Variants in PHF20 observed in about 807,000 individuals in gnomAD.
The protein encoded by PHF20 is PHD finger protein 20.
Under a neutral mutation model 113.5 loss-of-function variants are expected in PHF20, and 23 were observed. That is an observed-to-expected ratio of 0.20 (90% CI 0.15 to 0.29). The LOEUF (loss-of-function observed/expected upper bound fraction) is 0.29, where lower values mean the gene tolerates loss of function less well. Ranked by LOEUF, PHF20 falls within the 10% of genes least tolerant of loss-of-function variation. The pLI, the probability that PHF20 is intolerant of heterozygous loss-of-function variation, is 1.00. For synonymous variants in PHF20, 434 were observed against 457.3 expected, an observed-to-expected ratio of 0.95 and a Z score of 0.65; for missense variants, 943 against 1,219.6, an observed-to-expected ratio of 0.77 and a Z score of 3.38.
At chr20:35,851,809 G>A (rs2042737831) in intron 4 of PHF20, among the ~76,000 whole-genome samples, 2 of 151,994 alleles carry the variant, frequency 1.3e-5, no homozygotes, top group South Asian at 4.2e-4. Flanking sequence ...CAGCTACTCG[G>A]GAGGCTGAGA....
At chr20:35,803,577 G>A (rs1600753064) in intron 2 of PHF20, among the ~76,000 whole-genome samples, 1 of 151,522 alleles carries the variant, frequency 6.6e-6, no homozygotes, top group African/African-American at 2.4e-5. Context: ...TGCCTGCCTC[G>A]GCCTCCCAAA....
rs192900701 is a variant in PHF20, at chr20:35,913,443, A to G, written c.1660+96A>G. ...TATGGCCTCTGGGCCTGCGCTGAGC[A>G]GAGGAAGGACCAATAGTCTCTTACC... On this transcript the variant is annotated intron_variant, in intron 11 of 17. Transcript: ENST00000374012. The G allele has an allele frequency of 1.2e-5, 10 of 832,428 alleles. No individual in the cohort carries two copies. In the African/African-American group the frequency reaches 1.7e-4, roughly 14 times the overall value. 51.6% of individuals were successfully genotyped at this position (832,428 alleles called of 1,614,324 possible).
intron 14 of PHF20, 47 bp from the exon 15 acceptor site, chr20:35,931,202 G>C: frequency 7.4e-7 from 1 of 1,355,974 alleles, no homozygotes; most frequent in South Asian, 1.2e-5. Flanking sequence ...AAATGGCCTG[G>C]GTTTCCTTCA....
At chr20:35,816,544 G>A (rs1218209556) in intron 2 of PHF20, among the ~76,000 whole-genome samples, 3 of 150,856 alleles carry the variant, frequency 2.0e-5, no homozygotes, top group Non-Finnish European at 4.4e-5. Flanking sequence ...CTGCCTCCGG[G>A]GTTCAAGCGA....
chr20:35,781,387 C>T (rs928324602), intron 1 of PHF20, among the ~76,000 whole-genome samples: 38 of 152,062 alleles, frequency 2.5e-4, no homozygotes, highest in Non-Finnish European at 4.9e-4. Context: ...TCCCAAAGTG[C>T]TGGGATTACA....
rs1216930263 is a variant in PHF20, at chr20:35,804,229, GTTTTTTTT to G, written c.83+2639_83+2646del. Among the ~76,000 whole-genome samples, 430 of 99,572 alleles carry G rather than the reference GTTTTTTTT, an allele frequency of 4.3e-3. 1 individual carries two copies. The highest frequency in any genetic ancestry group is 0.013 in the Middle Eastern group (2 of 154). 65.3% of individuals were successfully genotyped at this position (99,572 alleles called of 152,430 possible). A position where few individuals can be genotyped will look rare whatever the true frequency, so the allele number is the denominator to read the frequency against. ...TGCCCACCTTGCCAAGCTACTGTAT[GTTTTTTTT>G]TTTTTTTTTTTTTTGAGACGTAGTC... On this transcript the variant is annotated intron_variant, in intron 2 of 17. Transcript: ENST00000374012.
chr20:35,915,872 C>A (rs1401364870), intron 12 of PHF20, among the ~76,000 whole-genome samples: 2 of 152,136 alleles, frequency 1.3e-5, no homozygotes, highest in African/African-American at 4.8e-5. Context: ...CAATGTCCCA[C>A]ACCTGTAATC....
At chr20:35,835,189 C>T (rs774797757) in intron 2 of PHF20, among the ~76,000 whole-genome samples, 6 of 152,006 alleles carry the variant, frequency 3.9e-5, no homozygotes, top group Non-Finnish European at 8.8e-5. Flanking sequence ...GCAGGAGAAT[C>T]GCTTAAACCT....
intron 7 of PHF20, among the ~76,000 whole-genome samples, chr20:35,870,104 A>C (rs1027203895): frequency 6.6e-6 from 1 of 151,876 alleles, no homozygotes; most frequent in Non-Finnish European, 1.5e-5. Flanking sequence ...GGAGATTGAG[A>C]CCATCTTGGC....
chr20:35,916,709 C>T (rs141633843), intron 12 of PHF20, among the ~76,000 whole-genome samples: 3 of 152,130 alleles, frequency 2.0e-5, no homozygotes, highest in African/African-American at 2.4e-5. Context: ...CTCAAGTGAT[C>T]GGCCCACCTT....
At chr20:35,848,924 G>A (rs893970697) in intron 4 of PHF20, among the ~76,000 whole-genome samples, 2 of 151,752 alleles carry the variant, frequency 1.3e-5, no homozygotes, top group Non-Finnish European at 2.9e-5. Flanking sequence ...AGGAGGGAGA[G>A]TCTCGAGGCT....
intron 2 of PHF20, among the ~76,000 whole-genome samples, chr20:35,818,812 C>T (rs1304914651): frequency 6.6e-6 from 1 of 152,156 alleles, no homozygotes; most frequent in African/African-American, 2.4e-5. Context: ...GTTGGGATTA[C>T]AGGCATGAGC....
intron 17 of PHF20, among the ~76,000 whole-genome samples, chr20:35,944,137 A>G (rs1167340019): frequency 2.0e-5 from 3 of 152,180 alleles, no homozygotes; most frequent in Non-Finnish European, 2.9e-5. Context: ...GCTGTTCTGC[A>G]TCTTTAAAAG....
intron 2 of PHF20, among the ~76,000 whole-genome samples, chr20:35,836,545 T>C (rs2042443071): frequency 6.6e-6 from 1 of 152,076 alleles, no homozygotes; most frequent in Non-Finnish European, 1.5e-5. Flanking sequence ...TTTAAAAAAG[T>C]TTTTTAAACT....
chr20:35,891,042 A>T (rs975179277), intron 9 of PHF20, among the ~76,000 whole-genome samples: 8 of 152,196 alleles, frequency 5.3e-5, no homozygotes, highest in African/African-American at 1.9e-4. Context: ...CCCATGTTTG[A>T]TGTGACAGTA....
In PHF20 at chr20:35,897,199, A is replaced by G. The variant is rs557542274; in HGVS notation, c.1283-2171A>G. ...TAGGCACATGCCATCATGCCTGGCT[A>G]ATTAACAAAATTTTTTTTTTTGTAG... is the stretch of plus-strand genomic sequence containing the variant. On this transcript the variant is annotated intron_variant, in intron 9 of 17. Coordinates refer to ENST00000374012, the MANE Select transcript of PHF20 (RefSeq NM_016436.5). Among the ~76,000 whole-genome samples the G allele has an allele frequency of 3.2e-4, 49 of 152,084 alleles. No homozygotes were observed. The South Asian group carries it at 5.2e-3, about 16-fold the overall frequency.
chr20:35,889,978 C>T (rs1438835931), intron 9 of PHF20, among the ~76,000 whole-genome samples: 1 of 152,198 alleles, frequency 6.6e-6, no homozygotes, highest in Non-Finnish European at 1.5e-5. Flanking sequence ...ATCCACCCAA[C>T]TTGGCCTCCC....
At chr20:35,806,010 G>A (rs1401668632) in intron 2 of PHF20, among the ~76,000 whole-genome samples, 2 of 151,652 alleles carry the variant, frequency 1.3e-5, no homozygotes, top group Non-Finnish European at 1.5e-5. Flanking sequence ...GATTACAGGC[G>A]CCCGCCACCA....
chr20:35,889,259 C>T (rs575770681), intron 9 of PHF20, among the ~76,000 whole-genome samples: 1 of 152,074 alleles, frequency 6.6e-6, no homozygotes, highest in South Asian at 2.1e-4. Context: ...TGTGATTCGC[C>T]CACCTTGTCC....
Sources: allele counts gnomAD v4.1 joint callset (sites outside exome capture counted in the v4.1 genomes callset), GRCh38; gene constraint gnomAD v4.1.1; transcripts MANE v1.5; gene names NCBI Gene and HGNC (gene_info 2026-07-23, HGNC 2026-07-21).